Variants in RREB1 observed in about 807,000 individuals in gnomAD.
RREB1 encodes the protein ras-responsive element-binding protein 1.
A neutral mutation model predicts 117.8 loss-of-function variants in RREB1; 27 were observed. The ratio of observed to expected loss-of-function variants is 0.23; its 90% CI spans 0.17 to 0.32. RREB1 has a LOEUF of 0.32. Among genes scored for constraint, RREB1 ranks in the 10% least tolerant of loss-of-function variants. RREB1 has a pLI of 1.00. For synonymous variants in RREB1, 1,298 were observed against 1,026.7 expected (o/e 1.26, Z -5.05); for missense variants, 2,577 against 2,378.2 (o/e 1.08, Z -1.74).
At chr6:7,139,583 A>T (rs532374) in intron 1 of RREB1, among the ~76,000 whole-genome samples, 209 of 152,196 alleles carry the variant, frequency 1.4e-3, no homozygotes, top group African/African-American at 4.8e-3. Flanking sequence ...CTATTCAAAC[A>T]AATAAATATT....
In RREB1 at chr6:7,228,932, G is replaced by A. The variant is rs909426156; in HGVS notation, c.898-65G>A. 6.5e-6 allele frequency: 9 copies of A among 1,384,808 alleles called. No homozygotes were observed. In the African/African-American group the frequency reaches 8.7e-5, roughly 13 times the overall value. 85.8% of individuals were successfully genotyped at this position (1,384,808 alleles called of 1,614,324 possible). A position where few individuals can be genotyped will look rare whatever the true frequency, so the allele number is the denominator to read the frequency against. On this transcript the variant is annotated intron_variant, in intron 9 of 12. Coordinates refer to ENST00000379938, the MANE Select transcript of RREB1 (RefSeq NM_001003699.4). The stretch of plus-strand genomic sequence containing the variant: ...TACAACAAATACTTTGTGCATCTCC[G>A]TTTAGTGATTATTTTTTCAATCTTC...
rs3851532 is a variant in RREB1, at chr6:7,153,247, A to T, written c.-284-23408A>T. ...ATTAGTAGAACTATTATTTTTTTTT[A>T]AAAAAAGTAGCTTTGTGGTTAAATT... On this transcript the variant is annotated intron_variant, in intron 1 of 12. Coordinates refer to ENST00000379938, the MANE Select transcript of RREB1 (RefSeq NM_001003699.4). Among the ~76,000 whole-genome samples, 458 of 138,748 alleles carry T rather than the reference A, an allele frequency of 3.3e-3. 1 individual carries two copies. The highest frequency in any genetic ancestry group is 5.6e-3 in the Non-Finnish European group (342 of 61,248). 91.0% of individuals were successfully genotyped at this position (138,748 alleles called of 152,430 possible). A position where few individuals can be genotyped will look rare whatever the true frequency, so the allele number is the denominator to read the frequency against.
At chr6:7,194,565 G>C (rs893159351) in intron 6 of RREB1, among the ~76,000 whole-genome samples, 1 of 152,144 alleles carries the variant, frequency 6.6e-6, no homozygotes, top group Admixed American at 6.5e-5. Context: ...CTACTTGTTT[G>C]TGCTAATTGT....
chr6:7,246,954 G>A lies in RREB1; in HGVS notation c.4504G>A (p.Glu1502Lys), dbSNP rs1442333500. The A allele has an allele frequency of 1.3e-6, 2 of 1,565,000 alleles. No homozygotes were observed. Among genetic ancestry groups the A allele is most frequent in the East Asian group, 2.4e-5 (1 of 41,750 alleles). The change falls in exon 12 of 13, where the codon GAG (glutamate) becomes AAG (lysine). Residue 1502 changes from glutamate (E) to lysine (K), a missense_variant. By Grantham distance (56) the Glu-to-Lys change is moderately conservative. Coordinates refer to ENST00000379938, the MANE Select transcript of RREB1 (RefSeq NM_001003699.4). ...CCCTGAACAGGAGGAGAAGCCCCCC[G>A]AGACCCCGGCAGAGGTGGTGGAGTC... ...PAPEQEEKPPETPAEVVESAP... is the reference protein window; with the variant it reads ...PAPEQEEKPPKTPAEVVESAP...
intron 6 of RREB1, among the ~76,000 whole-genome samples, chr6:7,196,029 A>G (rs1157870836): frequency 2.0e-5 from 3 of 152,222 alleles, no homozygotes; most frequent in Admixed American, 1.3e-4. Flanking sequence ...ACAGTTGACA[A>G]CTACACAGCT....
chr6:7,133,898 T>C (rs558544916), intron 1 of RREB1, among the ~76,000 whole-genome samples: 4 of 152,332 alleles, frequency 2.6e-5, no homozygotes, highest in Non-Finnish European at 4.4e-5. Context: ...TGGGATTTAT[T>C]GTGGACAATA....
intron 1 of RREB1, among the ~76,000 whole-genome samples, chr6:7,154,431 T>G (rs887705997): frequency 6.6e-6 from 1 of 152,214 alleles, no homozygotes; most frequent in Non-Finnish European, 1.5e-5. Flanking sequence ...AACTCATCAC[T>G]GGGGACGTGA....
At position 7,182,101 on chromosome 6, in the gene RREB1, T is replaced by G; in HGVS notation, c.171+19T>G. ...GAACCAGGTAAGTGTTCACACCTAG[T>G]GGTGACCTCTGGTGGGTTCAATCCA... On this transcript the variant is annotated intron_variant, in intron 4 of 12. Coordinates refer to ENST00000379938, the MANE Select transcript of RREB1 (RefSeq NM_001003699.4). The G allele has an allele frequency of 6.2e-7, 1 of 1,603,170 alleles. No homozygotes were observed. Among genetic ancestry groups the G allele is most frequent in the Non-Finnish European group, 8.5e-7 (1 of 1,171,118 alleles).
At chr6:7,148,795 G>A (rs1042207156) in intron 1 of RREB1, among the ~76,000 whole-genome samples, 21 of 152,108 alleles carry the variant, frequency 1.4e-4, no homozygotes, top group Admixed American at 1.3e-3. Context: ...TTAACATGAC[G>A]TGTTAGAATA....
intron 4 of RREB1, among the ~76,000 whole-genome samples, chr6:7,186,656 T>C (rs1180859928): frequency 1.3e-5 from 2 of 152,134 alleles, no homozygotes; most frequent in African/African-American, 4.8e-5. Context: ...ATCTGTAGCA[T>C]AGGGTTAGTG....
Position 7,237,725 on chromosome 6 carries a change from A to C in RREB1, c.3809-2713A>C, listed in dbSNP as rs1768427547. Among the ~76,000 whole-genome samples, 3 of 152,214 alleles carry C rather than the reference A, an allele frequency of 2.0e-5. No individual in the cohort carries two copies. The South Asian group carries it at 6.2e-4, about 32-fold the overall frequency. ...AACAAGTGTTTTTGAAACCTGCGTT[A>C]TTATAAAATACTAAACGGGCCCGTT... On this transcript the variant is annotated intron_variant, in intron 10 of 12. Transcript: ENST00000379938.
At chr6:7,166,040 G>A (rs751674741) in intron 1 of RREB1, among the ~76,000 whole-genome samples, 2 of 152,234 alleles carry the variant, frequency 1.3e-5, no homozygotes, top group South Asian at 2.1e-4. Context: ...CCGCTGGGCC[G>A]TGGAGGGGCG....
At chr6:7,227,694 A>C (rs1358711760) in intron 9 of RREB1, among the ~76,000 whole-genome samples, 1 of 152,212 alleles carries the variant, frequency 6.6e-6, no homozygotes, top group Non-Finnish European at 1.5e-5. Flanking sequence ...GTTTCTATTA[A>C]AAACAATTTG....
At chr6:7,187,301 A>G (rs1765132348) in intron 4 of RREB1, 133 bp from the exon 5 acceptor site, 1 of 471,080 alleles carries the variant, frequency 2.1e-6, no homozygotes, top group Admixed American at 3.6e-5. Context: ...GCACAAGCTT[A>G]TACCTGGGCA....
chr6:7,168,041 A>G (rs1388115763), intron 1 of RREB1, among the ~76,000 whole-genome samples: 1 of 151,878 alleles, frequency 6.6e-6, no homozygotes, highest in Admixed American at 6.6e-5. Flanking sequence ...TGGGAGGATC[A>G]CTTGAGGTCA....
At chr6:7,137,618 T>C (rs1010928146) in intron 1 of RREB1, among the ~76,000 whole-genome samples, 24 of 152,182 alleles carry the variant, frequency 1.6e-4, no homozygotes, top group African/African-American at 5.8e-4. Flanking sequence ...AGTCATTTGC[T>C]CAAACTACTC....
chr6:7,216,881 C>G (rs879923831), intron 8 of RREB1: 1 of 152,516 alleles, frequency 6.6e-6, no homozygotes, highest in East Asian at 1.9e-4. Flanking sequence ...CCCTGTCCCC[C>G]ACCCAAGGCC....
At chr6:7,144,933 G>A (rs1403503832) in intron 1 of RREB1, among the ~76,000 whole-genome samples, 2 of 152,214 alleles carry the variant, frequency 1.3e-5, no homozygotes, top group African/African-American at 4.8e-5. Context: ...AGGTTATGAA[G>A]GCCCTGGGTT....
In RREB1 at chr6:7,230,489, C is replaced by T. The variant is rs1315899793; in HGVS notation, c.2390C>T (p.Ala797Val). 8 of 1,594,074 alleles carry T rather than the reference C, an allele frequency of 5.0e-6. No individual in the cohort carries two copies. Among genetic ancestry groups the T allele is most frequent in the African/African-American group, 1.3e-5 (1 of 74,850 alleles). ...CCCTTCGAGTGCAAGGAGTGCAGCG[C>T]CGCGTTCGCGGCCAAGCGCAACTGC... ...RKPFECKECSAAFAAKRNCIH... is the reference protein window; with the variant it reads ...RKPFECKECSVAFAAKRNCIH... The change falls in exon 10 of 13, where the codon GCC (alanine) becomes GTC (valine). Residue 797 changes from alanine to valine, a missense_variant. Physicochemically the swap from Ala to Val is moderately conservative, Grantham distance 64. Transcript: ENST00000379938.
Sources: gnomAD v4.1 joint callset for allele counts (sites outside exome capture counted in the v4.1 genomes callset) on GRCh38, gnomAD v4.1.1 for gene constraint, MANE v1.5 for transcripts, NCBI Gene and HGNC (gene_info 2026-07-23, HGNC 2026-07-21) for gene names.